ADAM18: variants seen among roughly 807,000 people sequenced by gnomAD.
ADAM18 encodes ADAM metallopeptidase domain 18.
A neutral mutation model predicts 94.4 loss-of-function variants in ADAM18; 117 were observed. The ratio of observed to expected loss-of-function variants is 1.24; its 90% CI spans 1.07 to 1.45. The LOEUF (loss-of-function observed/expected upper bound fraction) is 1.45, where lower values mean the gene tolerates loss of function less well. Among genes scored for constraint, ADAM18 ranks in the 40% most tolerant of loss-of-function variants. ADAM18 has a pLI of 0.00. For missense variants in ADAM18, 936 were observed against 880.0 expected, an observed-to-expected ratio of 1.06 and a Z score of -0.81; for synonymous variants, 327 against 291.6, an observed-to-expected ratio of 1.12 and a Z score of -1.24.
chr8:39,601,026 G>T (rs1487361937), intron 2 of ADAM18, among the ~76,000 whole-genome samples: 1 of 152,182 alleles, frequency 6.6e-6, no homozygotes, highest in Non-Finnish European at 1.5e-5. Context: ...ATTCAGTCAT[G>T]GTGGAAGGGG....
chr8:39,668,074 C>G lies in ADAM18; in HGVS notation c.1403C>G (p.Ser468Cys), dbSNP rs548257935. Residue 468 changes from serine (S) to cysteine (C), a missense_variant, in exon 14 of 20, where the codon TCT becomes TGT. Transcript: ENST00000265707. ...CDFTEYCNGTSSNCVPDTYAL... is the reference protein window; with the variant it reads ...CDFTEYCNGTCSNCVPDTYAL... Reference sequence around the variant, plus strand: ...TTTACAGAGTACTGCAATGGAACCTCTAGTAATTGTGTTCCTGACACTTAT... The same window carrying G: ...TTTACAGAGTACTGCAATGGAACCTGTAGTAATTGTGTTCCTGACACTTAT... 1 of 1,613,924 alleles carries G rather than the reference C, an allele frequency of 6.2e-7. No individual in the cohort carries two copies.
chr8:39,724,939 G>A (rs1301576258), intron 19 of ADAM18, among the ~76,000 whole-genome samples: 1 of 59,074 alleles, frequency 1.7e-5, no homozygotes, highest in Non-Finnish European at 3.2e-5. Context: ...TTCAATCATT[G>A]TAAATTTAAA....
intron 6 of ADAM18, among the ~76,000 whole-genome samples, chr8:39,615,071 A>T (rs1260388778): frequency 6.6e-6 from 1 of 152,186 alleles, no homozygotes; most frequent in Non-Finnish European, 1.5e-5. Flanking sequence ...TAACAAAAAT[A>T]TCTGGGACCT....
At chr8:39,610,463 T>G (rs1434253840) in intron 5 of ADAM18, 66 bp from the exon 6 acceptor site, 2 of 1,458,152 alleles carry the variant, frequency 1.4e-6, no homozygotes, top group Non-Finnish European at 9.1e-7. Context: ...CATTTCAGAT[T>G]ATCATTTTGA....
intron 12 of ADAM18, among the ~76,000 whole-genome samples, chr8:39,652,162 C>T (rs2129579714): frequency 6.6e-6 from 1 of 151,964 alleles, no homozygotes; most frequent in South Asian, 2.1e-4. Context: ...AATATGACAC[C>T]AAAAACACAG....
rs1206628352 is a variant in ADAM18, at chr8:39,706,847, A to G, written c.1960A>G (p.Lys654Glu). ...CFPGHRPPDC[K>E]FQFGSPGGSI... is the part of the protein sequence containing the mutation. ...CCCTGGACATAGACCTCCAGATTGT[A>G]AATTCCAGTTTGGTTCCCCAGGGGG... Residue 654 changes from lysine to glutamate, a missense_variant, in exon 18 of 20, where the codon AAA becomes GAA. Physicochemically the swap from Lys to Glu is moderately conservative, Grantham distance 56 (BLOSUM62 1). Transcript: ENST00000265707. 2.5e-6 allele frequency: 4 copies of G among 1,611,350 alleles called. No homozygotes were observed. Among genetic ancestry groups the G allele is most frequent in the Non-Finnish European group, 3.4e-6 (4 of 1,178,184 alleles).
At position 39,645,398 on chromosome 8, in the gene ADAM18, A is replaced by C; in HGVS notation, c.970A>C (p.Asn324His). 1 of 1,612,640 alleles carries C rather than the reference A, an allele frequency of 6.2e-7. No homozygotes were observed. The highest frequency in any genetic ancestry group is 1.1e-5 in the South Asian group (1 of 90,914). ...TATTATAGCTCAACTGCTTGGCCTT[A>C]ATGTAGGATTAACATATGATGACAT... Reference protein sequence around the residue: ...SVIIAQLLGLNVGLTYDDITQ... With the variant: ...SVIIAQLLGLHVGLTYDDITQ... Residue 324 changes from asparagine (N) to histidine (H), a missense_variant, in exon 11 of 20, where the codon AAT becomes CAT. By Grantham distance (68) the Asn-to-His change is moderately conservative. Coordinates refer to ENST00000265707, the MANE Select transcript of ADAM18 (RefSeq NM_014237.3).
chr8:39,652,893 C>A (rs147871363), intron 12 of ADAM18, among the ~76,000 whole-genome samples: 29 of 152,112 alleles, frequency 1.9e-4, no homozygotes, highest in African/African-American at 6.5e-4. Context: ...CATGGATGAA[C>A]CTGGAGGACA....
intron 17 of ADAM18, among the ~76,000 whole-genome samples, chr8:39,701,628 A>G (rs1404584245): frequency 6.6e-6 from 1 of 151,442 alleles, no homozygotes; most frequent in Non-Finnish European, 1.5e-5. Flanking sequence ...CTCCTGACCC[A>G]CTCCTCCTCC....
chr8:39,609,752 A>G (rs1416403096), intron 5 of ADAM18, among the ~76,000 whole-genome samples, 191 bp downstream of exon 5: 1 of 152,208 alleles, frequency 6.6e-6, no homozygotes, highest in Non-Finnish European at 1.5e-5. Context: ...CATGAAATCA[A>G]TCCAGGGTTA....
chr8:39,709,347 C>T (rs1247634089), intron 18 of ADAM18, among the ~76,000 whole-genome samples: 1 of 152,172 alleles, frequency 6.6e-6, no homozygotes, highest in Non-Finnish European at 1.5e-5. Flanking sequence ...TCCCTGACGT[C>T]CAGCTGCTTC....
chr8:39,710,022 AG>A (rs1822351819), intron 18 of ADAM18, among the ~76,000 whole-genome samples: 1 of 152,338 alleles, frequency 6.6e-6, no homozygotes, highest in Admixed American at 6.5e-5. Flanking sequence ...GGTGTCGTTA[AG>A]GGTATCAGGG....
At chr8:39,655,697 A>T (rs1186278025) in intron 12 of ADAM18, among the ~76,000 whole-genome samples, 1 of 152,090 alleles carries the variant, frequency 6.6e-6, no homozygotes, top group African/African-American at 2.4e-5. Flanking sequence ...GGAAATTTAG[A>T]TTTCATTATT....
chr8:39,700,222 A>G (rs1394220573), intron 17 of ADAM18, among the ~76,000 whole-genome samples: 1 of 152,206 alleles, frequency 6.6e-6, no homozygotes, highest in Admixed American at 6.5e-5. Context: ...TTTAACATCA[A>G]ATTTATCAAC....
chr8:39,642,210 G>C (rs1364076717), intron 10 of ADAM18, among the ~76,000 whole-genome samples: 1 of 152,070 alleles, frequency 6.6e-6, no homozygotes, highest in Non-Finnish European at 1.5e-5. Flanking sequence ...CCATTCTGTA[G>C]ATAGTTTACT....
chr8:39,665,483 T>C (rs1422416505), intron 13 of ADAM18, among the ~76,000 whole-genome samples: 1 of 152,220 alleles, frequency 6.6e-6, no homozygotes, highest in Non-Finnish European at 1.5e-5. Flanking sequence ...TGCTGGATCA[T>C]ATGGTAAATA....
At chr8:39,619,304 C>A (rs894177935) in intron 6 of ADAM18, among the ~76,000 whole-genome samples, 1 of 152,084 alleles carries the variant, frequency 6.6e-6, no homozygotes, top group South Asian at 2.1e-4. Flanking sequence ...TAACTCTACT[C>A]AAGATAAAAG....
At chr8:39,612,843 C>T (rs1169783236) in intron 6 of ADAM18, among the ~76,000 whole-genome samples, 2 of 152,108 alleles carry the variant, frequency 1.3e-5, no homozygotes, top group East Asian at 3.9e-4. Context: ...AGAGATTTAG[C>T]AAATGGGCTC....
rs1585957524 is a variant in ADAM18, at chr8:39,665,327, G to A, written c.1326+1437G>A. On this transcript the variant is annotated intron_variant, in intron 13 of 19. Transcript: ENST00000265707. ...GCAAGGATTGTAAGGATGTACCACA[G>A]TTCATTCATCCATTCCCCAGTTGAG... is the stretch of plus-strand genomic sequence containing the variant. Among the ~76,000 whole-genome samples the A allele has an allele frequency of 2.6e-5, 4 of 152,280 alleles. 1 individual carries two copies. The Middle Eastern group carries it at 0.014, about 518-fold the overall frequency.
Sources: gnomAD v4.1 joint callset for allele counts (sites outside exome capture counted in the v4.1 genomes callset) on GRCh38, gnomAD v4.1.1 for gene constraint, MANE v1.5 for transcripts, NCBI Gene and HGNC (gene_info 2026-07-23, HGNC 2026-07-21) for gene names.